Variants in LRGUK observed in about 807,000 individuals in gnomAD.
LRGUK encodes leucine rich repeats and guanylate kinase domain containing.
LRGUK carries 65 observed loss-of-function variants against 76.0 expected under a neutral mutation model. That is an observed-to-expected ratio of 0.85 (90% CI 0.70 to 1.05). The LOEUF (loss-of-function observed/expected upper bound fraction) is 1.05. LRGUK is among the 50% of genes least tolerant of loss of function. The pLI, the probability that LRGUK is intolerant of heterozygous loss-of-function variation, is 0.00. For missense variants in LRGUK, 758 were observed against 732.8 expected (o/e 1.03, Z -0.40); for synonymous variants, 268 against 265.6 (o/e 1.01, Z -0.09).
At chr7:134,129,949 C>G (rs978824352) in intron 1 of LRGUK, among the ~76,000 whole-genome samples, 3 of 152,178 alleles carry the variant, frequency 2.0e-5, no homozygotes, top group Non-Finnish European at 2.9e-5. Context: ...ATTCTCCCTT[C>G]TCTAACCTGC....
chr7:134,264,917 T>G (rs927960123), downstream of LRGUK, among the ~76,000 whole-genome samples: 41 of 152,334 alleles, frequency 2.7e-4, no homozygotes, highest in African/African-American at 9.9e-4. Flanking sequence ...TGACTTTCCT[T>G]TTTAAAATAT....
chr7:134,247,466 T>A, intron 16 of LRGUK, 90 bp from the exon 17 acceptor site: 1 of 839,770 alleles, frequency 1.2e-6, no homozygotes, highest in African/African-American at 1.7e-5. Context: ...TATTTGTCAA[T>A]CTCTAGTACC....
intron 15 of LRGUK, among the ~76,000 whole-genome samples, chr7:134,218,302 T>C (rs1030763897): frequency 6.6e-6 from 1 of 152,234 alleles, no homozygotes; most frequent in African/African-American, 2.4e-5. Context: ...TCAGGACTTT[T>C]ATTTAAAAAT....
rs1228638281 is a variant in LRGUK, at chr7:134,178,933, A to AAAAAAAAAAAAAAAAAAAAC, written c.1214+339_1214+340insAAAACAAAAAAAAAAAAAAA. 9.5e-4 allele frequency among the ~76,000 whole-genome samples: 13 copies of AAAAAAAAAAAAAAAAAAAAC among 13,630 alleles called. 1 individual carries two copies. The highest frequency in any genetic ancestry group is 2.1e-3 in the African/African-American group (7 of 3,360). The allele number at this position is 13,630 out of a possible 152,430, so 8.9% of individuals were successfully genotyped here. On this transcript the variant is annotated intron_variant, in intron 10 of 15. Coordinates refer to ENST00000645682, the Ensembl canonical transcript of LRGUK. The stretch of plus-strand genomic sequence containing the variant: ...CACACAACAGTGAAATCTCAAAAAA[A>AAAAAAAAAAAAAAAAAAAAC]AAAAAAAAAAAAAAACCAGGACCAA...
At chr7:134,234,999 G>T (rs1418339586) in intron 16 of LRGUK, among the ~76,000 whole-genome samples, 1 of 152,020 alleles carries the variant, frequency 6.6e-6, no homozygotes, top group Non-Finnish European at 1.5e-5. Flanking sequence ...TCCAGAATCT[G>T]CCCACTATCC....
At chr7:134,200,370 C>T (rs1242968617) in intron 14 of LRGUK, among the ~76,000 whole-genome samples, 1 of 151,852 alleles carries the variant, frequency 6.6e-6, no homozygotes, top group African/African-American at 2.4e-5. Flanking sequence ...CACTATGTTA[C>T]ACAGTCATAA....
intron 18 of LRGUK, among the ~76,000 whole-genome samples, chr7:134,255,222 AACACACACACACACACACACAC>A (rs66632170): frequency 7.0e-6 from 1 of 143,054 alleles, no homozygotes; most frequent in Admixed American, 7.0e-5. Context: ...ATGTTATCTC[AACACACACACACACACACACAC>A]ACACACACAC....
chr7:134,132,172 C>T lies in LRGUK; in HGVS notation c.297+4508C>T, dbSNP rs1358807896. 2.6e-5 allele frequency among the ~76,000 whole-genome samples: 4 copies of T among 152,064 alleles called. No homozygotes were observed. In the South Asian group the frequency reaches 6.2e-4, roughly 24 times the overall value. On this transcript the variant is annotated intron_variant, in intron 1 of 15. Transcript: ENST00000645682. Reference sequence around the variant, plus strand: ...GACCAGTCTAGGTAACATAATAAGACCCTGTCTCTATAAAAGAATTTTTAA... The same window carrying T: ...GACCAGTCTAGGTAACATAATAAGATCCTGTCTCTATAAAAGAATTTTTAA...
At chr7:134,247,535 C>G (rs1421927326) in intron 16 of LRGUK, 21 bp from the exon 17 acceptor site, 1 of 1,566,834 alleles carries the variant, frequency 6.4e-7, no homozygotes, top group Non-Finnish European at 8.8e-7. Context: ...ATGCAATTTT[C>G]TAATGACATT....
At chr7:134,226,057 C>G (rs144132718) in intron 16 of LRGUK, among the ~76,000 whole-genome samples, 3 of 152,256 alleles carry the variant, frequency 2.0e-5, no homozygotes, top group African/African-American at 7.2e-5. Flanking sequence ...GTAATTGCAG[C>G]TGTCTCTGTC....
chr7:134,247,113 A>T (rs13246075), intron 16 of LRGUK, among the ~76,000 whole-genome samples: 1 of 152,100 alleles, frequency 6.6e-6, no homozygotes, highest in East Asian at 1.9e-4. Context: ...TGAGAGAAAG[A>T]CCGCCCCCAT....
At chr7:134,171,805 T>C (rs1258872415) in intron 7 of LRGUK, among the ~76,000 whole-genome samples, 1 of 152,182 alleles carries the variant, frequency 6.6e-6, no homozygotes, top group Non-Finnish European at 1.5e-5. Context: ...AAGTCTGTTA[T>C]GCACACAGCC....
Position 134,256,317 on chromosome 7 carries a change from G to A in LRGUK, c.2199-1940G>A, listed in dbSNP as rs572566665. On this transcript the variant is annotated intron_variant, in intron 18 of 19. Coordinates refer to the LRGUK transcript ENST00000285928. ...TACTAAAAATACAAAAAATTAGCTG[G>A]GCATGGTGGTGGGTGCCTGTAATCC... Among the ~76,000 whole-genome samples the A allele has an allele frequency of 1.1e-4, 16 of 152,040 alleles. No homozygotes were observed. In the South Asian group the frequency reaches 3.3e-3, roughly 32 times the overall value.
intron 15 of LRGUK, among the ~76,000 whole-genome samples, chr7:134,205,897 A>T (rs1257467460): frequency 6.6e-6 from 1 of 152,254 alleles, no homozygotes; most frequent in Non-Finnish European, 1.5e-5. Flanking sequence ...TTAAAGTGGT[A>T]ATCCTGTATC....
intron 3 of LRGUK, among the ~76,000 whole-genome samples, chr7:134,140,062 G>A (rs549721912): frequency 1.8e-4 from 28 of 152,206 alleles, no homozygotes; most frequent in African/African-American, 6.0e-4. Context: ...TCCGCCTCCT[G>A]GGTTCAAGTG....
Position 134,239,271 on chromosome 7 carries a change from G to T in LRGUK, c.1984-8285G>T, listed in dbSNP as rs144275415. 6.2e-4 allele frequency among the ~76,000 whole-genome samples: 95 copies of T among 152,322 alleles called. 2 individuals are homozygous for T. In the South Asian group the frequency reaches 0.017, roughly 27 times the overall value. On this transcript the variant is annotated intron_variant, in intron 16 of 19. Coordinates refer to the LRGUK transcript ENST00000285928. ...TGGGGCATCGCCTCACCCGGGAAGC[G>T]CAAGGAGTCGGGGAATTCCCTTTCC...
intron 1 of LRGUK, among the ~76,000 whole-genome samples, chr7:134,134,824 A>G (rs1797458417): frequency 6.6e-6 from 1 of 152,210 alleles, no homozygotes; most frequent in East Asian, 1.9e-4. Flanking sequence ...AAACATTACG[A>G]TGTGGAATTT....
At chr7:134,163,645 T>A in intron 7 of LRGUK, 105 bp downstream of exon 7, 3 of 982,158 alleles carry the variant, frequency 3.1e-6, no homozygotes, top group Non-Finnish European at 4.2e-6. Context: ...GCGGACACAT[T>A]AAATGTCAGC....
chr7:134,188,908 A>AG (rs765121135), intron 11 of LRGUK, among the ~76,000 whole-genome samples: 1 of 152,206 alleles, frequency 6.6e-6, no homozygotes, highest in Non-Finnish European at 1.5e-5. Flanking sequence ...TGAATGACAC[A>AG]GAAAAAAAAA....
Sources: gnomAD v4.1 joint callset for allele counts (sites outside exome capture counted in the v4.1 genomes callset) on GRCh38, gnomAD v4.1.1 for gene constraint, MANE v1.5 for transcripts, NCBI Gene and HGNC (gene_info 2026-07-23, HGNC 2026-07-21) for gene names.